Variants in TRIM21 observed in about 807,000 individuals in gnomAD.
TRIM21 encodes E3 ubiquitin-protein ligase TRIM21.
Under a neutral mutation model 36.1 loss-of-function variants are expected in TRIM21, and 35 were observed. That is an observed-to-expected ratio of 0.97 (90% CI 0.74 to 1.28). The LOEUF (loss-of-function observed/expected upper bound fraction) is 1.28. TRIM21 is among the 50% of genes most tolerant of loss of function. The pLI is 0.00. For synonymous variants in TRIM21, 256 were observed against 211.5 expected (o/e 1.21, Z -1.83); for missense variants, 635 against 570.7 (o/e 1.11, Z -1.15).
Position 4,385,719 on chromosome 11 carries a change from G to C in TRIM21, c.994C>G (p.Leu332Val). 1 of 1,613,198 alleles carries C rather than the reference G, an allele frequency of 6.2e-7. No individual in the cohort carries two copies. Among genetic ancestry groups the C allele is most frequent in the South Asian group, 1.1e-5 (1 of 90,812 alleles). ...CCAGAGTGAAAGTGCTGGGCACCCA[G>C]GACCATAGGATAACTATCAAATCTC... is the stretch of plus-strand genomic sequence containing the variant. ...EERFDSYPMV[L>V]GAQHFHSGKH... is the part of the protein sequence containing the mutation. Residue 332 changes from leucine to valine, a missense_variant, in exon 7 of 7, where the codon CTG becomes GTG. By Grantham distance (32) the Leu-to-Val change is conservative. Transcript: ENST00000254436.
At chr11:4,389,346 G>A (rs1051322204) in intron 3 of TRIM21, among the ~76,000 whole-genome samples, 4 of 152,172 alleles carry the variant, frequency 2.6e-5, no homozygotes, top group Non-Finnish European at 5.9e-5. Context: ...ACATCCAGGT[G>A]CTGACGCCAT....
At position 4,385,316 on chromosome 11, in the gene TRIM21, T is replaced by C. The variant is rs755718025; in HGVS notation, c.1397A>G (p.Asn466Ser). The C allele has an allele frequency of 1.9e-6, 3 of 1,612,854 alleles. No homozygotes were observed. The highest frequency in any genetic ancestry group is 1.7e-6 in the Non-Finnish European group (2 of 1,179,788). The change falls in exon 7 of 7, where the codon AAT becomes AGT. Residue 466 changes from asparagine to serine, a missense_variant. Coordinates refer to ENST00000254436, the MANE Select transcript of TRIM21 (RefSeq NM_003141.4). ...GTCAGTGGATCCTTGTGATCCAATA[T>C]TCAGTGGACAGAGGGTTAGAGGGGC... ...NTAPLTLCPL[N>S]IGSQGSTDY
intron 1 of TRIM21, among the ~76,000 whole-genome samples, chr11:4,392,566 CAAAAA>C (rs899453808): frequency 6.5e-5 from 7 of 106,916 alleles, no homozygotes; most frequent in Admixed American, 3.4e-4. Context: ...GACTCCCTCT[CAAAAA>C]CAAAACAAAA....
At chr11:4,386,820 G>T in intron 5 of TRIM21, 148 bp downstream of exon 5, 1 of 802,320 alleles carries the variant, frequency 1.2e-6, no homozygotes, top group Non-Finnish European at 1.9e-6. Context: ...TCTGAGACCA[G>T]AAAATATTTT....
chr11:4,386,843 GT>G (rs1484029862), intron 5 of TRIM21, 124 bp downstream of exon 5: 8 of 994,858 alleles, frequency 8.0e-6, no homozygotes, highest in Admixed American at 2.8e-5. Context: ...AGAGAATGAA[GT>G]TTTTGAGAAT....
chr11:4,391,148 T>C (rs2094962672), intron 1 of TRIM21, among the ~76,000 whole-genome samples: 1 of 152,136 alleles, frequency 6.6e-6, no homozygotes, highest in Non-Finnish European at 1.5e-5. Context: ...GCCCACAGAA[T>C]TGGAGTAAAT....
At chr11:4,393,317 G>C (rs747109722) in intron 1 of TRIM21, among the ~76,000 whole-genome samples, 3 of 151,988 alleles carry the variant, frequency 2.0e-5, no homozygotes, top group Non-Finnish European at 4.4e-5. Context: ...TGCCAGCATG[G>C]GGGCAGCCGG....
chr11:4,385,626 C>CA lies in TRIM21; in HGVS notation c.1086dup (p.Val363CysfsTer10). On this transcript the variant is annotated frameshift_variant, in exon 7 of 7. Transcript: ENST00000254436. LOFTEE classifies it low-confidence loss of function (END_TRUNC). Reference sequence around the variant, plus strand: ...AGCAAAAAGTGCCCCTTCCTGCGCACAGAGTCTCTGCAGACACCCAGGTCC... The same window carrying CA: ...AGCAAAAAGTGCCCCTTCCTGCGCACAAGAGTCTCTGCAGACACCCAGGTCC... 6.2e-7 allele frequency: 1 copy of CA among 1,612,746 alleles called. No homozygotes were observed. The highest frequency in any genetic ancestry group is 8.5e-7 in the Non-Finnish European group (1 of 1,179,268).
chr11:4,389,860 G>T (rs2094960670), intron 2 of TRIM21, 111 bp from the exon 3 acceptor site: 1 of 1,501,462 alleles, frequency 6.7e-7, no homozygotes, highest in Non-Finnish European at 9.2e-7. Context: ...ATGAGGTTGG[G>T]TTTAACTTAT....
intron 4 of TRIM21, among the ~76,000 whole-genome samples, chr11:4,387,739 G>T (rs771322860): frequency 6.6e-6 from 1 of 152,080 alleles, no homozygotes; most frequent in Non-Finnish European, 1.5e-5. Context: ...GCTGAGGCAG[G>T]AGAATCGCTT....
intron 1 of TRIM21, among the ~76,000 whole-genome samples, chr11:4,392,149 AC>A (rs1212718221): frequency 1.3e-5 from 2 of 152,212 alleles, no homozygotes; most frequent in Non-Finnish European, 2.9e-5. Context: ...TGATTATTAC[AC>A]ATTGTATACC....
At position 4,390,151 on chromosome 11, in the gene TRIM21, T is replaced by C. The variant is rs927444132; in HGVS notation, c.259A>G (p.Thr87Ala). ...TGCACTGCACACCGTTCCCCCTGTG[T>C]GCCCTCTCTGGCCTCCTGGCTGATT... ...KEISQEAREG[T>A]QGERCAVHGE... Residue 87 changes from threonine to alanine, a missense_variant, in exon 2 of 7, where the codon ACA becomes GCA. Transcript: ENST00000254436. The C allele has an allele frequency of 8.7e-6, 14 of 1,613,936 alleles. No individual in the cohort carries two copies. Among genetic ancestry groups the C allele is most frequent in the Non-Finnish European group, 1.2e-5 (14 of 1,179,906 alleles).
chr11:4,386,398 G>T, intron 5 of TRIM21, 141 bp from the exon 6 acceptor site: 1 of 746,072 alleles, frequency 1.3e-6, no homozygotes, highest in Non-Finnish European at 2.3e-6. Context: ...TCCAGGAGTG[G>T]GTGTGAGAGG....
In TRIM21 at chr11:4,385,257, G is replaced by C; in HGVS notation, c.*28C>G. The C allele has an allele frequency of 6.3e-7, 1 of 1,578,966 alleles. No homozygotes were observed. The highest frequency in any genetic ancestry group is 2.2e-5 in the East Asian group (1 of 44,524). ...TGTGGCTGAGAAGCGGTGCCAATGG[G>C]GAGAGTGGCAGTGTCCAGAGAAAGC... On this transcript the variant is annotated 3_prime_UTR_variant, in exon 7 of 7. Transcript: ENST00000254436.
chr11:4,387,188 A>G (rs2094957111), intron 4 of TRIM21, among the ~76,000 whole-genome samples, 198 bp from the exon 5 acceptor site: 1 of 151,806 alleles, frequency 6.6e-6, no homozygotes. Flanking sequence ...CCAGAAGCCC[A>G]GCATGGATGT....
At chr11:4,393,205 T>C (rs1292199482) in intron 1 of TRIM21, among the ~76,000 whole-genome samples, 2 of 151,658 alleles carry the variant, frequency 1.3e-5, no homozygotes, top group Non-Finnish European at 2.9e-5. Context: ...GACCTGGGAG[T>C]CTCCAGAATT....
In TRIM21 at chr11:4,386,261, G is replaced by A. The variant is rs766464540; in HGVS notation, c.759-4C>T. 4 of 1,612,934 alleles carry A rather than the reference G, an allele frequency of 2.5e-6. No homozygotes were observed. Among genetic ancestry groups the A allele is most frequent in the South Asian group, 1.1e-5 (1 of 91,008 alleles). Reference sequence around the variant, plus strand: ...CTTCAGGTTCCAGGACTCACTCCTGGGGGAAAGAGAGTTTGAGACTCCTGT... The same window carrying A: ...CTTCAGGTTCCAGGACTCACTCCTGAGGGAAAGAGAGTTTGAGACTCCTGT... On this transcript the variant is annotated splice_region_variant and splice_polypyrimidine_tract_variant and intron_variant, in intron 5 of 6. Coordinates refer to ENST00000254436, the MANE Select transcript of TRIM21 (RefSeq NM_003141.4).
intron 1 of TRIM21, among the ~76,000 whole-genome samples, chr11:4,392,509 G>A (rs2094964168): frequency 6.7e-6 from 1 of 150,144 alleles, no homozygotes; most frequent in Non-Finnish European, 1.5e-5. Flanking sequence ...AGAGGTTGCA[G>A]TGAGCCAAGA....
chr11:4,390,480 A>AAT, intron 1 of TRIM21, 22 bp from the exon 2 acceptor site: 2 of 1,463,458 alleles, frequency 1.4e-6, no homozygotes. Context: ...GAAGAAAGGG[A>AAT]AAAGAGAATA....
Sources: gnomAD v4.1 joint callset for allele counts (sites outside exome capture counted in the v4.1 genomes callset) on GRCh38, gnomAD v4.1.1 for gene constraint, MANE v1.5 for transcripts, NCBI Gene and HGNC (gene_info 2026-07-23, HGNC 2026-07-21) for gene names.